The following NPAS2 variants were observed in gnomAD, a reference collection of about 807,000 sequenced individuals.
The protein encoded by NPAS2 is neuronal PAS domain-containing protein 2.
A neutral mutation model predicts 107.5 loss-of-function variants in NPAS2; 23 were observed. The ratio of observed to expected loss-of-function variants is 0.21; its 90% CI spans 0.15 to 0.30. The LOEUF is 0.30. Among genes scored for constraint, NPAS2 ranks in the 10% least tolerant of loss-of-function variants. NPAS2 has a pLI of 1.00. For synonymous variants in NPAS2, 403 were observed against 417.5 expected, an observed-to-expected ratio of 0.97 and a Z score of 0.42; for missense variants, 756 against 1,043.3, an observed-to-expected ratio of 0.72 and a Z score of 3.79.
At chr2:100,829,307 C>A (rs1489133404) in intron 1 of NPAS2, among the ~76,000 whole-genome samples, 1 of 151,942 alleles carries the variant, frequency 6.6e-6, no homozygotes, top group African/African-American at 2.4e-5. Context: ...CACGCACCAC[C>A]ATGCCTGGCT....
chr2:100,935,171 G>A, intron 4 of NPAS2: 2 of 880,728 alleles, frequency 2.3e-6, no homozygotes, highest in Non-Finnish European at 2.7e-6. Flanking sequence ...TACCAGCATT[G>A]GAGCAGTTGC....
At chr2:100,885,957 G>A (rs774146718) in intron 1 of NPAS2, among the ~76,000 whole-genome samples, 9 of 152,110 alleles carry the variant, frequency 5.9e-5, no homozygotes, top group Non-Finnish European at 8.8e-5. Context: ...CACCGAACCC[G>A]GCTAGCCAAT....
In NPAS2 at chr2:100,878,383, T is replaced by C. The variant is rs577524237; in HGVS notation, c.-22-26350T>C. The C allele has an allele frequency of 6.1e-6, 6 of 985,398 alleles. No homozygotes were observed. In the African/African-American group the frequency reaches 7.0e-5, roughly 11 times the overall value. 61.0% of individuals were successfully genotyped at this position (985,398 alleles called of 1,614,324 possible). On this transcript the variant is annotated intron_variant, in intron 1 of 20. Transcript: ENST00000335681. ...CGGAATGTCCTTCTTTGGAAGCAGC[T>C]GAGGACCTGGAAAACCAGCAGTTCC... is the stretch of plus-strand genomic sequence containing the variant.
At chr2:100,986,836 CATTTA>C (rs1480211249) in intron 16 of NPAS2, 4 of 152,226 alleles carry the variant, frequency 2.6e-5, no homozygotes, top group African/African-American at 4.8e-5. Context: ...TTCATTTACA[CATTTA>C]ATTTATCTGA....
intron 5 of NPAS2, among the ~76,000 whole-genome samples, chr2:100,940,447 T>G (rs1674507934): frequency 6.6e-6 from 1 of 152,232 alleles, no homozygotes; most frequent in Admixed American, 6.5e-5. Context: ...TCAAAACTTG[T>G]GAGGTTGTCT....
chr2:100,985,724 A>G (rs1573801183), intron 16 of NPAS2: 1 of 152,170 alleles, frequency 6.6e-6, no homozygotes, highest in East Asian at 1.9e-4. Context: ...CATTAACTTC[A>G]TTTAGTCCTT....
At chr2:100,913,852 C>T (rs1029482478) in intron 2 of NPAS2, among the ~76,000 whole-genome samples, 1 of 152,156 alleles carries the variant, frequency 6.6e-6, no homozygotes, top group South Asian at 2.1e-4. Flanking sequence ...ATGTCATTCA[C>T]CTGCATGCTC....
rs149857680 is a variant in NPAS2 at position 100,990,857 on chromosome 2, C to T, written c.2096C>T (p.Thr699Met). The change falls in exon 19 of 21, where the codon ACG becomes ATG. Residue 699 changes from threonine (T) to methionine (M), a missense_variant. Thr to Met is a moderately conservative substitution (Grantham distance 81). Transcript: ENST00000335681. ...DARQPSEVSR[T>M]GRQVKYAQSQ... The stretch of plus-strand genomic sequence containing the variant: ...AGGCAGCCCTCGGAAGTCAGCAGGA[C>T]GGGACGGCAAGTCAAGTACGTGGAC... The T allele has an allele frequency of 3.0e-5, 48 of 1,614,008 alleles. No homozygotes were observed. The highest frequency in any genetic ancestry group is 2.7e-4 in the African/African-American group (20 of 74,924).
rs138712138 is a variant in NPAS2 at position 100,968,079 on chromosome 2, A to T, written c.908-202A>T. ...AGCGTCTGAGCATTTGGGAAAGTAT[A>T]TGGATCACTCTTCCACTGTTTAAGA... On this transcript the variant is annotated intron_variant, in intron 10 of 20. Coordinates refer to ENST00000335681, the MANE Select transcript of NPAS2 (RefSeq NM_002518.4). The surrounding 1 kb of genome is among the most constrained non-coding windows in gnomAD (Gnocchi z 5.3). 4.2e-4 allele frequency among the ~76,000 whole-genome samples: 64 copies of T among 152,306 alleles called. 1 individual carries two copies. The highest frequency in any genetic ancestry group is 1.3e-3 in the African/African-American group (53 of 41,566).
intron 18 of NPAS2, 123 bp from the exon 19 acceptor site, chr2:100,990,657 C>G (rs1273948047): frequency 9.5e-7 from 1 of 1,055,210 alleles, no homozygotes; most frequent in Admixed American, 1.9e-5. Flanking sequence ...AGAATGAAGC[C>G]AGGAGAGTGG....
At chr2:100,923,887 TG>T (rs1430163684) in intron 2 of NPAS2, among the ~76,000 whole-genome samples, 1 of 152,110 alleles carries the variant, frequency 6.6e-6, no homozygotes, top group East Asian at 1.9e-4. Context: ...GAGGGCTTTT[TG>T]CATCACGTGT....
intron 19 of NPAS2, among the ~76,000 whole-genome samples, chr2:100,992,989 G>A (rs1273787043): frequency 6.6e-6 from 1 of 152,032 alleles, no homozygotes; most frequent in Non-Finnish European, 1.5e-5. Context: ...GAGTGCAGTG[G>A]TGTGATCTCG....
intron 1 of NPAS2, among the ~76,000 whole-genome samples, chr2:100,889,735 C>T (rs1680932564): frequency 6.6e-6 from 1 of 152,122 alleles, no homozygotes; most frequent in South Asian, 2.1e-4. Context: ...GGCCTGCATC[C>T]AACACAACCA....
In NPAS2 at chr2:100,980,989, G is replaced by A. The variant is rs201033532; in HGVS notation, c.1483-1242G>A. Among the ~76,000 whole-genome samples the A allele has an allele frequency of 4.5e-4, 28 of 61,548 alleles. 1 individual carries two copies. The highest frequency in any genetic ancestry group is 6.5e-4 in the Non-Finnish European group (24 of 36,652). The allele number at this position is 61,548 out of a possible 152,430, so 40.4% of individuals were successfully genotyped here. On this transcript the variant is annotated intron_variant, in intron 15 of 20. Transcript: ENST00000335681. Reference sequence around the variant, plus strand: ...CCTCTTGGGGTGGCATGGGCTCGTCGTGAAGCACAACACACGTACCTCTAC... The same window carrying A: ...CCTCTTGGGGTGGCATGGGCTCGTCATGAAGCACAACACACGTACCTCTAC...
At chr2:100,827,921 G>C (rs145967078) in intron 1 of NPAS2, among the ~76,000 whole-genome samples, 16 of 152,322 alleles carry the variant, frequency 1.1e-4, no homozygotes, top group African/African-American at 3.8e-4. Context: ...CTTTTGGATA[G>C]ATACTACTAT....
chr2:100,916,997 A>G (rs1315516188), intron 2 of NPAS2, among the ~76,000 whole-genome samples: 1 of 152,180 alleles, frequency 6.6e-6, no homozygotes, highest in Non-Finnish European at 1.5e-5. Flanking sequence ...ACATTTCAAA[A>G]TTAGTGGGTT....
In NPAS2 at chr2:100,922,854, G is replaced by A. The variant is rs372476693; in HGVS notation, c.33-2292G>A. ...GTCACTAACGATAGGAGCCTTCGTCGGAGTTGCTACCAGGCCATGTTGGTC... is the reference window on the plus strand; with the variant it reads ...GTCACTAACGATAGGAGCCTTCGTCAGAGTTGCTACCAGGCCATGTTGGTC... On this transcript the variant is annotated intron_variant, in intron 2 of 20. Transcript: ENST00000335681. Among the ~76,000 whole-genome samples the A allele has an allele frequency of 4.6e-5, 7 of 152,202 alleles. No homozygotes were observed. In the South Asian group the frequency reaches 6.2e-4, roughly 14 times the overall value.
chr2:100,927,619 C>T (rs1389927690), intron 3 of NPAS2, among the ~76,000 whole-genome samples: 1 of 152,230 alleles, frequency 6.6e-6, no homozygotes, highest in African/African-American at 2.4e-5. Flanking sequence ...ATGAATTATA[C>T]ACATGATGTT....
chr2:100,914,286 T>G (rs1682734690), intron 2 of NPAS2, among the ~76,000 whole-genome samples: 1 of 151,988 alleles, frequency 6.6e-6, no homozygotes, highest in Non-Finnish European at 1.5e-5. Context: ...TTTGTAAGAG[T>G]ATGGGGCTAC....
Sources: allele counts gnomAD v4.1 joint callset (sites outside exome capture counted in the v4.1 genomes callset), GRCh38; gene constraint gnomAD v4.1.1; non-coding constraint Gnocchi (gnomAD v3.1); transcripts MANE v1.5; gene names NCBI Gene and HGNC (gene_info 2026-07-23, HGNC 2026-07-21).